GRIA3: variants seen among roughly 807,000 people sequenced by gnomAD.
GRIA3 encodes glutamate ionotropic receptor AMPA type subunit 3.
A neutral mutation model predicts 63.0 loss-of-function variants in GRIA3; 3 were observed. That is an observed-to-expected ratio of 0.05 (90% CI 0.02 to 0.12). The LOEUF (loss-of-function observed/expected upper bound fraction) is 0.12. GRIA3 is among the 10% of genes least tolerant of loss of function. The probability of loss-of-function intolerance (pLI) is 1.00; values close to 1 mark genes in which losing one functional copy is unlikely to be tolerated. For synonymous variants in GRIA3, 274 were observed against 257.9 expected (o/e 1.06, Z -0.60); for missense variants, 347 against 700.9 (o/e 0.50, Z 5.70).
chrX:123,213,307 C>G (rs1227818767), intron 2 of GRIA3, among the ~76,000 whole-genome samples: 1 of 112,412 alleles, frequency 8.9e-6, no homozygotes, highest in Non-Finnish European at 1.9e-5. Flanking sequence ...TATGACAGAG[C>G]ATTAATGTTT....
At chrX:123,456,242 A>T (rs1204958137) in intron 12 of GRIA3, among the ~76,000 whole-genome samples, 1 of 111,284 alleles carries the variant, frequency 9.0e-6, no homozygotes, top group Admixed American at 9.6e-5. Flanking sequence ...TAGCTACTGC[A>T]CCCACCTCAC....
intron 15 of GRIA3, among the ~76,000 whole-genome samples, chrX:123,484,964 A>C (rs2045933618): frequency 8.9e-6 from 1 of 112,891 alleles, no homozygotes; most frequent in Non-Finnish European, 1.9e-5. Flanking sequence ...ACACTGCACC[A>C]ATCCGCTGAC....
At chrX:123,227,866 G>C (rs2044256135) in intron 2 of GRIA3, among the ~76,000 whole-genome samples, 1 of 111,921 alleles carries the variant, frequency 8.9e-6, no homozygotes, top group Non-Finnish European at 1.9e-5. Flanking sequence ...AACATGAGTT[G>C]GAGAGACATT....
Position 123,185,508 on chromosome X carries a change from A to AGG in GRIA3, c.110-316_110-315dup, listed in dbSNP as rs3216834. Among the ~76,000 whole-genome samples, 4 of 40,980 alleles carry AGG rather than the reference A, an allele frequency of 9.8e-5. No homozygotes were observed. The Admixed American group carries it at 1.2e-3, about 12-fold the overall frequency. 35.6% of individuals were successfully genotyped at this position (40,980 alleles called of 115,157 possible). Reference sequence around the variant, plus strand: ...AGCTGTGCGGATGGGCGGGGGGCGGAGGGGGGGGGCGACTAAAAAAAAAGA... The same window carrying AGG: ...AGCTGTGCGGATGGGCGGGGGGCGGAGGGGGGGGGGGCGACTAAAAAAAAAGA... On this transcript the variant is annotated intron_variant, in intron 1 of 15. Coordinates refer to ENST00000620443, the MANE Select transcript of GRIA3 (RefSeq NM_007325.5).
chrX:123,246,833 T>C (rs1364686945), intron 2 of GRIA3, among the ~76,000 whole-genome samples: 1 of 103,659 alleles, frequency 9.6e-6, no homozygotes, highest in Non-Finnish European at 2.0e-5. Flanking sequence ...AAAGACTACA[T>C]ATAGCACTAA....
At chrX:123,193,034 T>C (rs1927481820) in intron 2 of GRIA3, among the ~76,000 whole-genome samples, 1 of 110,348 alleles carries the variant, frequency 9.1e-6, no homozygotes, top group Non-Finnish European at 1.9e-5. Flanking sequence ...TCTTTGTATC[T>C]TCTTGCCCTC....
intron 3 of GRIA3, among the ~76,000 whole-genome samples, chrX:123,256,558 T>C (rs2147284638): frequency 9.0e-6 from 1 of 111,651 alleles, no homozygotes; most frequent in South Asian, 3.8e-4. Context: ...GTCGTATGGT[T>C]GAGGAACTGA....
At chrX:123,255,524 A>G (rs764267193) in intron 3 of GRIA3, among the ~76,000 whole-genome samples, 11 of 108,393 alleles carry the variant, frequency 1.0e-4, no homozygotes, top group African/African-American at 3.7e-4. Flanking sequence ...AAAACGAAAT[A>G]TTGGTTCCAC....
chrX:123,206,907 C>T (rs931792710), intron 2 of GRIA3, among the ~76,000 whole-genome samples: 5 of 111,999 alleles, frequency 4.5e-5, no homozygotes, highest in Admixed American at 3.8e-4. Flanking sequence ...AAATCTCTTT[C>T]AATCCATTTG....
chrX:123,312,459 A>G (rs772394602), intron 3 of GRIA3, among the ~76,000 whole-genome samples: 1 of 112,283 alleles, frequency 8.9e-6, no homozygotes, highest in South Asian at 3.7e-4. Flanking sequence ...AGAGTAAATC[A>G]TGAGAGATGG....
intron 3 of GRIA3, among the ~76,000 whole-genome samples, chrX:123,302,015 C>G (rs994152530): frequency 1.2e-4 from 13 of 111,912 alleles, no homozygotes; most frequent in Non-Finnish European, 2.1e-4. Flanking sequence ...CGTGACCAGA[C>G]AAAAGTAAGG....
At chrX:123,435,138 C>T (rs1046687771) in intron 12 of GRIA3, among the ~76,000 whole-genome samples, 3 of 112,076 alleles carry the variant, frequency 2.7e-5, no homozygotes, top group African/African-American at 9.7e-5. Context: ...ACTTTCCCTC[C>T]AGGGAAGCTG....
At chrX:123,288,469 T>A (rs1353507997) in intron 3 of GRIA3, among the ~76,000 whole-genome samples, 1 of 111,021 alleles carries the variant, frequency 9.0e-6, no homozygotes, top group South Asian at 3.8e-4. Context: ...TATCATCGAG[T>A]GAACAAGCAA....
At chrX:123,335,094 T>C (rs745584263) in intron 4 of GRIA3, among the ~76,000 whole-genome samples, 1 of 110,446 alleles carries the variant, frequency 9.1e-6, no homozygotes, top group Non-Finnish European at 1.9e-5. Context: ...ACTTTCCTGC[T>C]TTCTCAGGTT....
intron 3 of GRIA3, among the ~76,000 whole-genome samples, chrX:123,312,178 A>C (rs1467869035): frequency 1.8e-5 from 2 of 111,964 alleles, no homozygotes; most frequent in Non-Finnish European, 3.8e-5. Flanking sequence ...GATGAGAGTA[A>C]AAACATTATA....
intron 12 of GRIA3, among the ~76,000 whole-genome samples, chrX:123,440,159 G>A (rs1457462426): frequency 8.9e-6 from 1 of 112,253 alleles, no homozygotes; most frequent in Non-Finnish European, 1.9e-5. Flanking sequence ...GTATTCCATC[G>A]TGTATCTGTA....
intron 4 of GRIA3, among the ~76,000 whole-genome samples, chrX:123,333,431 G>C (rs954032943): frequency 1.8e-5 from 2 of 111,697 alleles, no homozygotes; most frequent in Non-Finnish European, 3.8e-5. Flanking sequence ...CGTCACACAA[G>C]GGCTTATATT....
intron 5 of GRIA3, chrX:123,361,469 C>A (rs1265858603): frequency 3.6e-5 from 4 of 111,314 alleles, no homozygotes; most frequent in Non-Finnish European, 5.7e-5. Flanking sequence ...CCAGTCACCT[C>A]TCCTGGTGCA....
At chrX:123,272,305 G>A (rs1417624570) in intron 3 of GRIA3, among the ~76,000 whole-genome samples, 1 of 111,700 alleles carries the variant, frequency 9.0e-6, no homozygotes, top group East Asian at 2.8e-4. Context: ...CTAGATGCAT[G>A]GAGCCAAGTC....
Sources: allele counts gnomAD v4.1 joint callset (sites outside exome capture counted in the v4.1 genomes callset), GRCh38; gene constraint gnomAD v4.1.1; transcripts MANE v1.5; gene names NCBI Gene and HGNC (gene_info 2026-07-23, HGNC 2026-07-21).